DACH2: variants seen among roughly 807,000 people sequenced by gnomAD.
The protein encoded by DACH2 is dachshund family transcription factor 2, also known as dachshund homolog 2.
Under a neutral mutation model 35.8 loss-of-function variants are expected in DACH2, and 17 were observed. That is an observed-to-expected ratio of 0.48 (90% CI 0.33 to 0.71). The LOEUF (loss-of-function observed/expected upper bound fraction) is 0.71. Among genes scored for constraint, DACH2 ranks in the 30% least tolerant of loss-of-function variants. DACH2 has a pLI of 0.02. For missense variants in DACH2, 469 were observed against 472.7 expected (o/e 0.99, Z 0.07); for synonymous variants, 195 against 177.3 (o/e 1.10, Z -0.79).
chrX:86,204,403 ATTG>A (rs1160314823), intron 1 of DACH2, among the ~76,000 whole-genome samples: 1 of 112,029 alleles, frequency 8.9e-6, no homozygotes, highest in Non-Finnish European at 1.9e-5. Flanking sequence ...CATAAAAGCA[ATTG>A]TTGTTTGGTT....
At chrX:86,175,891 A>G (rs1341019234) in intron 1 of DACH2, among the ~76,000 whole-genome samples, 1 of 111,098 alleles carries the variant, frequency 9.0e-6, no homozygotes, top group Non-Finnish European at 1.9e-5. Flanking sequence ...ATTGCTGTGA[A>G]ATAGCTATCT....
At chrX:86,589,772 A>G (rs747397102) in intron 3 of DACH2, among the ~76,000 whole-genome samples, 3 of 111,566 alleles carry the variant, frequency 2.7e-5, no homozygotes, top group Admixed American at 9.6e-5. Flanking sequence ...AGTGTTATCT[A>G]TTGGAGTTTT....
At chrX:86,607,330 A>G (rs947676870) in intron 3 of DACH2, among the ~76,000 whole-genome samples, 8 of 110,678 alleles carry the variant, frequency 7.2e-5, no homozygotes, top group African/African-American at 2.6e-4. Flanking sequence ...TTAGTTTCTT[A>G]CTTTTTATTT....
At chrX:86,610,883 A>C (rs1380378819) in intron 3 of DACH2, among the ~76,000 whole-genome samples, 1 of 111,506 alleles carries the variant, frequency 9.0e-6, no homozygotes, top group Non-Finnish European at 1.9e-5. Flanking sequence ...AGGAACCCTA[A>C]GATCCCACTT....
intron 2 of DACH2, among the ~76,000 whole-genome samples, chrX:86,400,730 T>C (rs568079684): frequency 1.2e-4 from 13 of 111,610 alleles, no homozygotes; most frequent in African/African-American, 4.2e-4. Context: ...GCCTGATCGT[T>C]CCTCTGGATG....
At chrX:86,355,825 G>A (rs2035633167) in intron 1 of DACH2, among the ~76,000 whole-genome samples, 1 of 108,282 alleles carries the variant, frequency 9.2e-6, no homozygotes, top group African/African-American at 3.4e-5. Context: ...CACATGTAAA[G>A]GTCTTCTTTG....
At chrX:86,495,048 ATTT>A (rs764550632) in intron 2 of DACH2, among the ~76,000 whole-genome samples, 12 of 110,371 alleles carry the variant, frequency 1.1e-4, no homozygotes, top group African/African-American at 3.6e-4. Flanking sequence ...TAATTAATTT[ATTT>A]ATTTATTTAT....
At chrX:86,250,494 A>T (rs1459537044) in intron 1 of DACH2, among the ~76,000 whole-genome samples, 3 of 111,595 alleles carry the variant, frequency 2.7e-5, no homozygotes, top group African/African-American at 6.5e-5. Flanking sequence ...GGATACACAA[A>T]AAATCAACTG....
intron 5 of DACH2, among the ~76,000 whole-genome samples, chrX:86,699,508 G>A (rs368256863): frequency 9.9e-5 from 11 of 111,249 alleles, no homozygotes; most frequent in South Asian, 3.8e-4. Flanking sequence ...ATCAGATCTC[G>A]TGAGACTTAT....
Position 86,816,084 on chromosome X carries a change from A to G in DACH2, c.1735A>G (p.Ser579Gly). ...EIENNGTPHD[S>G]AAMQGGNYYC... ...AGAAAACAATGGGACTCCTCATGAT[A>G]GTGCTGCTATGCAAGGTACAGTCAA... Residue 579 changes from serine (S) to glycine (G), a missense_variant, in exon 11 of 12, where the codon AGT becomes GGT. This residue lies in a region of DACH2 where 363 missense variants were observed against 334.4 expected (regional missense o/e 1.09). Coordinates refer to ENST00000373125, the MANE Select transcript of DACH2 (RefSeq NM_053281.3). The G allele has an allele frequency of 8.5e-7, 1 of 1,178,757 alleles. No individual in the cohort carries two copies.
At chrX:86,694,419 T>C (rs2041043667) in intron 4 of DACH2, among the ~76,000 whole-genome samples, 1 of 112,090 alleles carries the variant, frequency 8.9e-6, no homozygotes, top group African/African-American at 3.2e-5. Flanking sequence ...TATAGTATTC[T>C]GCATTTATAC....
intron 1 of DACH2, among the ~76,000 whole-genome samples, chrX:86,231,470 G>A (rs1235288310): frequency 9.1e-6 from 1 of 110,099 alleles, no homozygotes; most frequent in African/African-American, 3.3e-5. Context: ...GGGGGGTGGG[G>A]GTGAGATTCC....
chrX:86,204,922 G>C (rs2032247359), intron 1 of DACH2, among the ~76,000 whole-genome samples: 1 of 111,539 alleles, frequency 9.0e-6, no homozygotes, highest in South Asian at 3.7e-4. Context: ...CTGTGGATGA[G>C]ATAAAGTCAC....
intron 2 of DACH2, among the ~76,000 whole-genome samples, chrX:86,393,258 C>T (rs1201121348): frequency 9.0e-6 from 1 of 111,323 alleles, no homozygotes; most frequent in Non-Finnish European, 1.9e-5. Flanking sequence ...CTGAAACACA[C>T]TTCTGTTCCC....
chrX:86,473,078 TTA>T (rs2037785443), intron 2 of DACH2, among the ~76,000 whole-genome samples: 5 of 111,813 alleles, frequency 4.5e-5, no homozygotes, highest in African/African-American at 6.5e-5. Flanking sequence ...TGAGATATTT[TTA>T]TACAGGCATG....
intron 2 of DACH2, among the ~76,000 whole-genome samples, chrX:86,439,194 T>C (rs2037118929): frequency 8.9e-6 from 1 of 112,308 alleles, no homozygotes. Context: ...GTATGTCTTC[T>C]TTTGGGAAAT....
chrX:86,334,836 G>A (rs1196267863), intron 1 of DACH2, among the ~76,000 whole-genome samples: 1 of 111,954 alleles, frequency 8.9e-6, no homozygotes, highest in Non-Finnish European at 1.9e-5. Context: ...GTGTGCCCAT[G>A]CCTATGTCCT....
intron 7 of DACH2, among the ~76,000 whole-genome samples, chrX:86,796,928 T>G (rs930590977): frequency 9.0e-6 from 1 of 111,622 alleles, no homozygotes; most frequent in African/African-American, 3.3e-5. Context: ...CATACATGTG[T>G]TAAAGTTTAA....
chrX:86,476,300 C>A (rs958607100), intron 2 of DACH2, among the ~76,000 whole-genome samples: 8 of 111,434 alleles, frequency 7.2e-5, no homozygotes, highest in Non-Finnish European at 1.3e-4. Flanking sequence ...GCCATCAGGT[C>A]CCTGGCTTTT....
Sources: gnomAD v4.1 joint callset for allele counts (sites outside exome capture counted in the v4.1 genomes callset) on GRCh38, gnomAD v4.1.1 for gene constraint, gnomAD v4.1.1 regional missense constraint, MANE v1.5 for transcripts, NCBI Gene and HGNC (gene_info 2026-07-23, HGNC 2026-07-21) for gene names.